RPS11: variants seen among roughly 807,000 people sequenced by gnomAD.
RPS11 encodes the protein ribosomal protein S11.
For missense variants in RPS11, 127 were observed against 211.4 expected (o/e 0.60, Z 2.48); for synonymous variants, 107 against 78.0 (o/e 1.37, Z -1.96).
At chr19:49,497,493 A>T (rs370361746) in intron 2 of RPS11, 27 bp from the exon 3 acceptor site, 30 of 1,610,406 alleles carry the variant, frequency 1.9e-5, no homozygotes, top group Non-Finnish European at 2.5e-5. Flanking sequence ...CCCAAGGCTC[A>T]CTCCTTTATC....
At chr19:49,497,105 G>GTCTGGGAGGT (rs1358813995) in intron 1 of RPS11, 89 bp from the exon 2 acceptor site, 2 of 1,491,912 alleles carry the variant, frequency 1.3e-6, no homozygotes, top group South Asian at 2.4e-5. Context: ...AGAGCATGGG[G>GTCTGGGAGGT]TCTGGGAGGT....
At chr19:49,497,800 C>A in intron 3 of RPS11, 117 bp from the exon 4 acceptor site, 5 of 1,453,892 alleles carry the variant, frequency 3.4e-6, no homozygotes, top group Non-Finnish European at 4.8e-6. Flanking sequence ...AAAACTGATG[C>A]CGGAAATGGG....
At chr19:49,496,561 G>A (rs2079907284) in intron 1 of RPS11, 90 bp downstream of exon 1, 2 of 1,377,362 alleles carry the variant, frequency 1.5e-6, no homozygotes, top group East Asian at 2.4e-5. Context: ...GGCCAAGTTC[G>A]GGGGTTAATT....
At chr19:49,498,317 A>G (rs1029425509) in intron 4 of RPS11, 1 of 470,410 alleles carries the variant, frequency 2.1e-6, no homozygotes, top group Non-Finnish European at 3.9e-6. Context: ...GGTCTAAACA[A>G]GAAGCTCATT....
Position 49,497,189 on chromosome 19 carries a change from T to C in RPS11, c.16-5T>C. 2.5e-6 allele frequency: 4 copies of C among 1,613,536 alleles called. No individual in the cohort carries two copies. Among genetic ancestry groups the C allele is most frequent in the Non-Finnish European group, 3.4e-6 (4 of 1,180,000 alleles). ...GCTCATCAGTTTTCTCCTCATAATC[T>C]GTAGACTGAGCGTGCCTACCAAAAG... On this transcript the variant is annotated splice_region_variant and splice_polypyrimidine_tract_variant and intron_variant, in intron 1 of 4. Coordinates refer to ENST00000270625, the MANE Select transcript of RPS11 (RefSeq NM_001015.5).
chr19:49,496,441 T>A lies in RPS11; in HGVS notation c.-16T>A. ...GGACGCTGCTGCCCCTTTCTTTTTT[T>A]CAGGCGGCCGGGAAGATGGCGGACA... On this transcript the variant is annotated 5_prime_UTR_variant, in exon 1 of 5. Coordinates refer to ENST00000270625, the MANE Select transcript of RPS11 (RefSeq NM_001015.5). 6.2e-7 allele frequency: 1 copy of A among 1,612,312 alleles called. No homozygotes were observed. Among genetic ancestry groups the A allele is most frequent in the Non-Finnish European group, 8.5e-7 (1 of 1,179,288 alleles).
chr19:49,498,461 T>G (rs982555362), intron 4 of RPS11, among the ~76,000 whole-genome samples: 1 of 152,158 alleles, frequency 6.6e-6, no homozygotes, highest in Admixed American at 6.5e-5. Context: ...TGAAGAAGTT[T>G]CAGATTCTAG....
chr19:49,497,366 C>T (rs200342078), intron 2 of RPS11, 41 bp downstream of exon 2: 5 of 1,612,724 alleles, frequency 3.1e-6, no homozygotes, highest in East Asian at 4.5e-5. Flanking sequence ...ACCTGGCGTT[C>T]CTGCACGTGT....
chr19:49,499,496 C>T lies in RPS11; in HGVS notation c.354-16C>T, dbSNP rs745788178. 2 of 1,611,410 alleles carry T rather than the reference C, an allele frequency of 1.2e-6. No homozygotes were observed. Among genetic ancestry groups the T allele is most frequent in the South Asian group, 2.2e-5 (2 of 90,954 alleles). ...GGTGGCCCCTCCTGAGGACATGGCC[C>T]TACCTGCCTCCACAGGGACGTCCAG... On this transcript the variant is annotated splice_polypyrimidine_tract_variant and intron_variant, in intron 4 of 4. Transcript: ENST00000270625.
At chr19:49,497,469 T>C (rs1305889199) in intron 2 of RPS11, 51 bp from the exon 3 acceptor site, 1 of 1,606,142 alleles carries the variant, frequency 6.2e-7, no homozygotes, top group South Asian at 1.1e-5. Flanking sequence ...CTGGCTCTTT[T>C]AAGGAACCGC....
Position 49,499,623 on chromosome 19 carries a change from C to T in RPS11, c.465C>T (p.Phe155=). 6.2e-7 allele frequency: 1 copy of T among 1,613,532 alleles called. No homozygotes were observed. The highest frequency in any genetic ancestry group is 2.2e-5 in the East Asian group (1 of 44,856). Residue 155 remains phenylalanine (F), a synonymous_variant, in exon 5 of 5, where the codon TTC becomes TTT. Transcript: ENST00000270625. ...AGGCTGCCGGCACCAAGAAGCAGTT[C>T]CAGAAGTTCTGAGGCTGGACATCGG... is the stretch of plus-strand genomic sequence containing the variant. ...VTKAAGTKKQ[F]QKF
chr19:49,497,276 T>C lies in RPS11; in HGVS notation c.98T>C (p.Leu33Pro). ...CTGGGAGAAACTGGCAAGGAGAAGC[T>C]CCCGCGGTACTACAAGAACATCGGT... is the stretch of plus-strand genomic sequence containing the variant. The part of the protein sequence containing the change: ...VLLGETGKEK[L>P]PRYYKNIGLG... Residue 33 changes from leucine to proline, a missense_variant, in exon 2 of 5, where the codon CTC becomes CCC. By Grantham distance (98) the Leu-to-Pro change is moderately conservative. Transcript: ENST00000270625. 1 of 1,614,036 alleles carries C rather than the reference T, an allele frequency of 6.2e-7. No homozygotes were observed. The highest frequency in any genetic ancestry group is 8.5e-7 in the Non-Finnish European group (1 of 1,180,016).
intron 1 of RPS11, 147 bp downstream of exon 1, chr19:49,496,618 G>C (rs1469802322): frequency 1.2e-6 from 1 of 845,318 alleles, no homozygotes; most frequent in African/African-American, 1.8e-5. Flanking sequence ...AGTGGAGGGC[G>C]CTTGCTTTTG....
rs1029433501 is a variant in RPS11, at chr19:49,497,603, C to T, written c.223+8C>T. The T allele has an allele frequency of 4.3e-6, 7 of 1,611,572 alleles. No individual in the cohort carries two copies. The highest frequency in any genetic ancestry group is 1.3e-5 in the African/African-American group (1 of 74,864). On this transcript the variant is annotated splice_region_variant and intron_variant, in intron 3 of 4. Coordinates refer to ENST00000270625, the MANE Select transcript of RPS11 (RefSeq NM_001015.5). Reference sequence around the variant, plus strand: ...GAGGGCGGATCCTCTCTGGTAAGTGCGGGAGTTACTGGTGTCTGGGGCCTG... The same window carrying T: ...GAGGGCGGATCCTCTCTGGTAAGTGTGGGAGTTACTGGTGTCTGGGGCCTG...
At chr19:49,497,136 T>C in intron 1 of RPS11, 58 bp from the exon 2 acceptor site, 1 of 1,604,252 alleles carries the variant, frequency 6.2e-7, no homozygotes, top group Non-Finnish European at 8.5e-7. Context: ...TCTCTAGGGC[T>C]GGTTGGCTGC....
Position 49,499,518 on chromosome 19 carries a change from C to G in RPS11, c.360C>G (p.Val120=). 1 of 1,613,488 alleles carries G rather than the reference C, an allele frequency of 6.2e-7. No individual in the cohort carries two copies. Among genetic ancestry groups the G allele is most frequent in the Non-Finnish European group, 8.5e-7 (1 of 1,179,524 alleles). Reference sequence around the variant, plus strand: ...GCCCTACCTGCCTCCACAGGGACGTCCAGATCGGTGACATCGTCACAGTGG... The same window carrying G: ...GCCCTACCTGCCTCCACAGGGACGTGCAGATCGGTGACATCGTCACAGTGG... ...SVHLSPCFRD[V]QIGDIVTVGE... Residue 120 remains valine (V), a synonymous_variant, in exon 5 of 5, where the codon GTC becomes GTG. Transcript: ENST00000270625.
chr19:49,499,437 T>C, intron 4 of RPS11, 75 bp from the exon 5 acceptor site: 3 of 1,532,798 alleles, frequency 2.0e-6, no homozygotes, highest in Non-Finnish European at 2.7e-6. Context: ...TTTAGCCTGG[T>C]GAAGGGGAGG....
chr19:49,498,362 G>A (rs1487063519), intron 4 of RPS11: 1 of 369,414 alleles, frequency 2.7e-6, no homozygotes, highest in Non-Finnish European at 5.2e-6. Context: ...TAGCCTGAAA[G>A]TAGTCTTACG....
Position 49,499,543 on chromosome 19 carries a change from G to T in RPS11, c.385G>T (p.Gly129Cys). Residue 129 changes from glycine (G) to cysteine (C), a missense_variant, in exon 5 of 5, where the codon GGC becomes TGC. Gly to Cys is a radical substitution (Grantham distance 159, BLOSUM62 -3). Transcript: ENST00000270625. ...CCAGATCGGTGACATCGTCACAGTGGGCGAGTGCCGGCCTCTGAGCAAGAC... is the reference window on the plus strand; with the variant it reads ...CCAGATCGGTGACATCGTCACAGTGTGCGAGTGCCGGCCTCTGAGCAAGAC... ...DVQIGDIVTV[G>C]ECRPLSKTVR... 6.2e-7 allele frequency: 1 copy of T among 1,613,856 alleles called. No homozygotes were observed. Among genetic ancestry groups the T allele is most frequent in the Non-Finnish European group, 8.5e-7 (1 of 1,179,804 alleles).
Sources: gnomAD v4.1 joint callset for allele counts (sites outside exome capture counted in the v4.1 genomes callset) on GRCh38, gnomAD v4.1.1 for gene constraint, MANE v1.5 for transcripts, NCBI Gene and HGNC (gene_info 2026-07-23, HGNC 2026-07-21) for gene names.